The following P2RY8 variants were observed in gnomAD, a reference collection of about 807,000 sequenced individuals.
P2RY8 encodes the protein P2Y receptor family member 8, also known as S-geranylgeranyl-glutathione receptor P2RY8.
In P2RY8, 6 loss-of-function variants were observed where a neutral mutation model predicts 10.0. The observed-to-expected ratio is 0.60, with a 90% CI of 0.33 to 1.19. The LOEUF (loss-of-function observed/expected upper bound fraction) is 1.19. Ranked by LOEUF, P2RY8 falls within the 50% of genes most tolerant of loss-of-function variation. The probability of loss-of-function intolerance (pLI) is 0.04; values close to 1 mark genes in which losing one functional copy is unlikely to be tolerated. For missense variants in P2RY8, 456 were observed against 542.0 expected (o/e 0.84, Z 1.58); for synonymous variants, 276 against 252.5 (o/e 1.09, Z -0.88).
intron 1 of P2RY8, among the ~76,000 whole-genome samples, chrX:1,482,292 T>C (rs2091943493): frequency 8.7e-6 from 1 of 115,424 alleles, no homozygotes; most frequent in Admixed American, 8.4e-5. Flanking sequence ...TGCCATTTGG[T>C]GAAAAAAAAA....
chrX:1,475,680 T>C (rs1176650080), intron 1 of P2RY8, among the ~76,000 whole-genome samples: 3 of 151,650 alleles, frequency 2.0e-5, no homozygotes, highest in Non-Finnish European at 4.4e-5. Context: ...CACAAGATTA[T>C]AGGATAAGAG....
At chrX:1,524,074 T>G (rs183768448) in intron 1 of P2RY8, among the ~76,000 whole-genome samples, 73 of 152,298 alleles carry the variant, frequency 4.8e-4, no homozygotes, top group African/African-American at 1.7e-3. Context: ...TGACTGAGTT[T>G]TTTGGCATTG....
chrX:1,482,611 T>C (rs1379717362), intron 1 of P2RY8, among the ~76,000 whole-genome samples: 7 of 152,170 alleles, frequency 4.6e-5, no homozygotes, highest in Non-Finnish European at 1.0e-4. Flanking sequence ...TGGTTTTAGA[T>C]CTAAATTTAA....
intron 1 of P2RY8, among the ~76,000 whole-genome samples, chrX:1,512,549 A>C (rs1483130515): frequency 2.7e-5 from 4 of 150,510 alleles, no homozygotes; most frequent in African/African-American, 9.7e-5. Context: ...TCCGTCTCAA[A>C]AAAAAAAAAA....
chrX:1,531,294 C>T (rs868090382), intron 1 of P2RY8, among the ~76,000 whole-genome samples: 6 of 152,122 alleles, frequency 3.9e-5, no homozygotes, highest in African/African-American at 9.7e-5. Context: ...GGAATTCCCC[C>T]GCCCCAAATG....
At position 1,506,268 on chromosome X, in the gene P2RY8, C is replaced by T. The variant is rs147029597; in HGVS notation, c.-25+30653G>A. Among the ~76,000 whole-genome samples, 68 of 152,222 alleles carry T rather than the reference C, an allele frequency of 4.5e-4. No individual in the cohort carries two copies. The East Asian group carries it at 0.011, about 24-fold the overall frequency. Reference sequence around the variant, plus strand: ...TGAGCCTCCCAAACTGCTGGGATGACGGGTGTGAGCCACCATGCCTGATGC... The same window carrying T: ...TGAGCCTCCCAAACTGCTGGGATGATGGGTGTGAGCCACCATGCCTGATGC... On this transcript the variant is annotated intron_variant, in intron 1 of 1. Coordinates refer to ENST00000381297, the MANE Select transcript of P2RY8 (RefSeq NM_178129.5).
intron 1 of P2RY8, among the ~76,000 whole-genome samples, chrX:1,504,962 C>T (rs1340546662): frequency 6.6e-6 from 1 of 151,874 alleles, no homozygotes; most frequent in Non-Finnish European, 1.5e-5. Flanking sequence ...GAAACCCTGT[C>T]TCTACTAAAA....
intron 1 of P2RY8, among the ~76,000 whole-genome samples, chrX:1,504,302 C>G (rs1221604791): frequency 2.3e-5 from 3 of 128,446 alleles, no homozygotes; most frequent in East Asian, 4.3e-4. Context: ...GGCAACAGAC[C>G]AAGACTCTGT....
At chrX:1,493,706 C>T (rs1196703632) in intron 1 of P2RY8, among the ~76,000 whole-genome samples, 3 of 152,336 alleles carry the variant, frequency 2.0e-5, no homozygotes, top group South Asian at 2.1e-4. Flanking sequence ...CCCAGCATCT[C>T]GGCGTGGGCC....
intron 1 of P2RY8, among the ~76,000 whole-genome samples, chrX:1,493,859 C>A (rs1238094855): frequency 2.0e-5 from 3 of 152,154 alleles, no homozygotes; most frequent in African/African-American, 7.2e-5. Flanking sequence ...CCTCAGCCCT[C>A]TCTGCGACCC....
intron 1 of P2RY8, among the ~76,000 whole-genome samples, chrX:1,529,345 G>A (rs1234683898): frequency 6.6e-6 from 1 of 152,124 alleles, no homozygotes; most frequent in Non-Finnish European, 1.5e-5. Flanking sequence ...AGACCTGGGG[G>A]ATGGGACATG....
intron 1 of P2RY8, among the ~76,000 whole-genome samples, chrX:1,493,417 GGAGGA>G (rs2092080493): frequency 4.0e-5 from 1 of 24,896 alleles, no homozygotes; most frequent in Non-Finnish European, 1.3e-4. Context: ...GGAGGAGGAA[GGAGGA>G]AGGAGGAGGG....
At chrX:1,494,984 CT>C (rs34429794) in intron 1 of P2RY8, among the ~76,000 whole-genome samples, 47,790 of 151,526 alleles carry the variant, frequency 0.32, 9,063 homozygotes, top group East Asian at 0.53. Flanking sequence ...TCCCAAAGTG[CT>C]GGGATTACGG....
chrX:1,532,978 G>A (rs1313715627), intron 1 of P2RY8, among the ~76,000 whole-genome samples: 2 of 118,212 alleles, frequency 1.7e-5, no homozygotes, highest in African/African-American at 6.3e-5. Context: ...TCTCCAGCCT[G>A]GGCAACAGAG....
chrX:1,527,690 T>A (rs1216923406), intron 1 of P2RY8, among the ~76,000 whole-genome samples: 1 of 151,526 alleles, frequency 6.6e-6, no homozygotes, highest in Non-Finnish European at 1.5e-5. Context: ...ATTCATTCCT[T>A]ATCCATTTAC....
At chrX:1,493,123 T>C (rs1462353958) in intron 1 of P2RY8, among the ~76,000 whole-genome samples, 1 of 149,996 alleles carries the variant, frequency 6.7e-6, no homozygotes, top group Admixed American at 6.7e-5. Flanking sequence ...CCATCTCTAC[T>C]AAAAAATACA....
chrX:1,467,950 A>C (rs2091714171), intron 1 of P2RY8, among the ~76,000 whole-genome samples: 1 of 150,966 alleles, frequency 6.6e-6, no homozygotes, highest in African/African-American at 2.4e-5. Flanking sequence ...AGTAGCTGGG[A>C]CTACAGGTGA....
intron 1 of P2RY8, among the ~76,000 whole-genome samples, chrX:1,486,114 A>G (rs1345153603): frequency 6.6e-6 from 1 of 152,194 alleles, no homozygotes; most frequent in Non-Finnish European, 1.5e-5. Context: ...GCCACTTGGG[A>G]GGCTGAGGCA....
intron 1 of P2RY8, among the ~76,000 whole-genome samples, chrX:1,480,289 T>A (rs772020367): frequency 1.2e-3 from 149 of 124,124 alleles, no homozygotes; most frequent in African/African-American, 4.1e-3. Context: ...GTTTCTTTCT[T>A]TTCTTTCTTT....
Sources: gnomAD v4.1 joint callset for allele counts (sites outside exome capture counted in the v4.1 genomes callset) on GRCh38, gnomAD v4.1.1 for gene constraint, MANE v1.5 for transcripts, NCBI Gene and HGNC (gene_info 2026-07-23, HGNC 2026-07-21) for gene names.